Variants in UTP20 observed in about 807,000 individuals in gnomAD.
The protein encoded by UTP20 is UTP20 small subunit processome component.
UTP20 carries 164 observed loss-of-function variants against 329.5 expected under a neutral mutation model. That is an observed-to-expected ratio of 0.50 (90% confidence interval 0.44 to 0.57). The LOEUF (loss-of-function observed/expected upper bound fraction) is 0.57. UTP20 is among the 20% of genes least tolerant of loss of function. UTP20 has a pLI of 0.00. For synonymous variants in UTP20, 1,151 were observed against 1,159.3 expected, an observed-to-expected ratio of 0.99 and a Z score of 0.14; for missense variants, 3,055 against 3,284.2, an observed-to-expected ratio of 0.93 and a Z score of 1.71.
chr12:101,342,076 G>T (rs1337415449), intron 32 of UTP20, among the ~76,000 whole-genome samples: 1 of 152,086 alleles, frequency 6.6e-6, no homozygotes, highest in Non-Finnish European at 1.5e-5. Flanking sequence ...TTATATAAGG[G>T]ACTTAAACAT....
intron 5 of UTP20, among the ~76,000 whole-genome samples, chr12:101,288,252 A>G (rs1003773287): frequency 6.6e-6 from 1 of 152,242 alleles, no homozygotes; most frequent in Non-Finnish European, 1.5e-5. Context: ...GCAAGGAACT[A>G]TTAGGTACTG....
chr12:101,360,356 A>G (rs763380269), intron 43 of UTP20, among the ~76,000 whole-genome samples: 30 of 152,214 alleles, frequency 2.0e-4, no homozygotes, highest in Non-Finnish European at 4.0e-4. Flanking sequence ...GCATGATAAC[A>G]TAGCAAGACC....
chr12:101,342,875 TATC>T, intron 34 of UTP20, 38 bp downstream of exon 34: 1 of 1,610,470 alleles, frequency 6.2e-7, no homozygotes, highest in Admixed American at 1.7e-5. Context: ...TCAAAAGTAT[TATC>T]ATTTTTGTTT....
intron 29 of UTP20, among the ~76,000 whole-genome samples, chr12:101,336,582 G>C (rs920941460): frequency 6.6e-6 from 1 of 152,160 alleles, no homozygotes; most frequent in Non-Finnish European, 1.5e-5. Context: ...AGCTGCTCTG[G>C]TTCTAGTCAC....
At position 101,377,531 on chromosome 12, in the gene UTP20, C is replaced by T. The variant is rs974898686; in HGVS notation, c.7396+1775C>T. ...TTTTTTAGTAGAGACAGGTTTTCAC[C>T]GTGTTGGCCAGGATGGTCTCCATCT... is the stretch of plus-strand genomic sequence containing the variant. On this transcript the variant is annotated intron_variant, in intron 56 of 61. Coordinates refer to ENST00000261637, the MANE Select transcript of UTP20 (RefSeq NM_014503.3). 9.2e-5 allele frequency among the ~76,000 whole-genome samples: 14 copies of T among 152,192 alleles called. No individual in the cohort carries two copies. The East Asian group carries it at 9.7e-4, about 11-fold the overall frequency.
chr12:101,336,911 T>C lies in UTP20; in HGVS notation c.3642-1140T>C, dbSNP rs549743181. ...GGAAAACGGTTTGGTCACTGGGAAG[T>C]TGCATTGTATCTGAATGGGCTCTTG... On this transcript the variant is annotated intron_variant, in intron 29 of 61. Transcript: ENST00000261637. Among the ~76,000 whole-genome samples the C allele has an allele frequency of 2.6e-5, 4 of 152,358 alleles. No homozygotes were observed. In the South Asian group the frequency reaches 6.2e-4, roughly 24 times the overall value.
chr12:101,281,106 T>A lies in UTP20; in HGVS notation c.46-10T>A, dbSNP rs780481179. Reference sequence around the variant, plus strand: ...TTAATTATGTATCTTAAATATACTTTCCCTTCCAGTTTCTTACATTTGCTG... The same window carrying A: ...TTAATTATGTATCTTAAATATACTTACCCTTCCAGTTTCTTACATTTGCTG... On this transcript the variant is annotated splice_polypyrimidine_tract_variant and intron_variant, in intron 1 of 61. Transcript: ENST00000261637. The A allele has an allele frequency of 6.2e-7, 1 of 1,605,588 alleles. No individual in the cohort carries two copies. The highest frequency in any genetic ancestry group is 8.5e-7 in the Non-Finnish European group (1 of 1,173,778).
At chr12:101,288,837 G>A (rs1252812782) in intron 5 of UTP20, 123 bp from the exon 6 acceptor site, 1 of 820,844 alleles carries the variant, frequency 1.2e-6, no homozygotes, top group Non-Finnish European at 1.9e-6. Flanking sequence ...TTTTAAATTT[G>A]TTTGATACCT....
In UTP20 at chr12:101,285,770, T is replaced by C. The variant is rs772232391; in HGVS notation, c.215T>C (p.Ile72Thr). The part of the protein sequence containing the change: ...EHFGKFYKEV[I>T]DKCQSFNQLV... ...TCAGGAAAATTTTACAAAGAAGTTA[T>C]TGACAAATGCCAATCATTCAATCAG... Residue 72 changes from isoleucine to threonine, a missense_variant, in exon 4 of 62, where the codon ATT becomes ACT. By Grantham distance (89) the Ile-to-Thr change is moderately conservative. Transcript: ENST00000261637. 1 of 1,613,666 alleles carries C rather than the reference T, an allele frequency of 6.2e-7. No individual in the cohort carries two copies. Among genetic ancestry groups the C allele is most frequent in the East Asian group, 2.2e-5 (1 of 44,826 alleles).
chr12:101,383,161 G>T lies in UTP20; in HGVS notation c.7777G>T (p.Ala2593Ser), dbSNP rs1870706142. ...EEQEALEDGV[A>S]CADEKAESDG... The stretch of plus-strand genomic sequence containing the variant: ...ACAAGAAGCTTTAGAAGATGGTGTG[G>T]CCTGTGCAGATGAGAAGGCGGAGTC... Residue 2593 changes from alanine (A) to serine (S), a missense_variant, in exon 59 of 62, where the codon GCC becomes TCC. Physicochemically the swap from Ala to Ser is moderately conservative, Grantham distance 99 (BLOSUM62 1). Transcript: ENST00000261637. 1.2e-6 allele frequency: 2 copies of T among 1,614,010 alleles called. No individual in the cohort carries two copies. Among genetic ancestry groups the T allele is most frequent in the Non-Finnish European group, 8.5e-7 (1 of 1,179,918 alleles).
rs768010423 is a variant in UTP20 at position 101,342,456 on chromosome 12, T to G, written c.4112T>G (p.Val1371Gly). 6.2e-7 allele frequency: 1 copy of G among 1,607,044 alleles called. No individual in the cohort carries two copies. Among genetic ancestry groups the G allele is most frequent in the South Asian group, 1.1e-5 (1 of 89,072 alleles). ...HRGNIAEDTE[V>G]DILVTVQNLL... ...TTATTTCTTCTCAAGGATACAGAGGTTGATATTCTGGTGACAGTACAAAAC... is the reference window on the plus strand; with the variant it reads ...TTATTTCTTCTCAAGGATACAGAGGGTGATATTCTGGTGACAGTACAAAAC... The change falls in exon 33 of 62, where the codon GTT (valine) becomes GGT (glycine). Residue 1371 changes from valine to glycine, a missense_variant. By Grantham distance (109) the Val-to-Gly change is moderately radical. This residue lies in a region of UTP20 where 2,445 missense variants were observed against 2,575.5 expected (regional missense o/e 0.95). Coordinates refer to ENST00000261637, the MANE Select transcript of UTP20 (RefSeq NM_014503.3).
chr12:101,295,505 A>G lies in UTP20; in HGVS notation c.1277A>G (p.Tyr426Cys), dbSNP rs994431858. Residue 426 changes from tyrosine (Y) to cysteine (C), a missense_variant, in exon 12 of 62, where the codon TAT (tyrosine) becomes TGT (cysteine). Tyr to Cys is a radical substitution (Grantham distance 194, BLOSUM62 -2). This residue lies in a region of UTP20 where 2,445 missense variants were observed against 2,575.5 expected (regional missense o/e 0.95). Coordinates refer to ENST00000261637, the MANE Select transcript of UTP20 (RefSeq NM_014503.3). ...EQLFLPSFLS[Y>C]IVNCFLIDDA... ...CTTTTTCTACCAAGCTTTCTGTCATATATTGTGAATTGCTTCTTAATTGAT... is the reference window on the plus strand; with the variant it reads ...CTTTTTCTACCAAGCTTTCTGTCATGTATTGTGAATTGCTTCTTAATTGAT... The G allele has an allele frequency of 2.5e-6, 4 of 1,606,426 alleles. No homozygotes were observed. The highest frequency in any genetic ancestry group is 3.4e-6 in the Non-Finnish European group (4 of 1,176,218).
At chr12:101,305,426 A>G (rs1290680976) in intron 15 of UTP20, among the ~76,000 whole-genome samples, 1 of 151,500 alleles carries the variant, frequency 6.6e-6, no homozygotes, top group East Asian at 1.9e-4. Flanking sequence ...TAATGGTGCC[A>G]GATTCAACCC....
chr12:101,343,192 G>A, intron 35 of UTP20, 99 bp downstream of exon 35: 2 of 749,332 alleles, frequency 2.7e-6, no homozygotes, highest in Non-Finnish European at 3.9e-6. Flanking sequence ...TTTTTGAGGG[G>A]GGACAAAGGT....
intron 2 of UTP20, among the ~76,000 whole-genome samples, chr12:101,283,675 C>T (rs1871868393): frequency 6.6e-6 from 1 of 151,986 alleles, no homozygotes; most frequent in Non-Finnish European, 1.5e-5. Flanking sequence ...CATGAAAATG[C>T]CTTAAAGGAC....
At chr12:101,342,375 ATATAT>A (rs2120935692) in intron 32 of UTP20, 66 bp from the exon 33 acceptor site, 10 of 1,242,626 alleles carry the variant, frequency 8.0e-6, no homozygotes, top group East Asian at 2.5e-5. Context: ...CTATGCTATA[ATATAT>A]TAAAGTATAA....
chr12:101,356,690 CAAGGTATGTTTTTT>C lies in UTP20; in HGVS notation c.5534_5534+13del. The stretch of plus-strand genomic sequence containing the variant: ...CAAGAAGTTATGGAAGCTAATCTGC[CAAGGTATGTTTTTT>C]AACAAATTAGAAGTTTAGTGAAACT... On this transcript the variant is annotated splice_donor_variant and splice_donor_5th_base_variant and coding_sequence_variant and intron_variant, in exon 42 of 62. Coordinates refer to ENST00000261637, the MANE Select transcript of UTP20 (RefSeq NM_014503.3). LOFTEE classifies it high-confidence loss of function. 1 of 1,604,898 alleles carries C rather than the reference CAAGGTATGTTTTTT, an allele frequency of 6.2e-7. No individual in the cohort carries two copies. The highest frequency in any genetic ancestry group is 8.5e-7 in the Non-Finnish European group (1 of 1,177,718).
intron 43 of UTP20, among the ~76,000 whole-genome samples, chr12:101,357,641 C>T (rs959840793): frequency 6.6e-6 from 1 of 152,154 alleles, no homozygotes; most frequent in Non-Finnish European, 1.5e-5. Context: ...GTGGTCCCAG[C>T]TACTCAGGAG....
chr12:101,302,790 G>A (rs367971181), intron 15 of UTP20, among the ~76,000 whole-genome samples: 4 of 152,152 alleles, frequency 2.6e-5, no homozygotes, highest in East Asian at 1.9e-4. Flanking sequence ...GATTAATGTC[G>A]TAAAGTTTGA....
Sources: allele counts gnomAD v4.1 joint callset (sites outside exome capture counted in the v4.1 genomes callset), GRCh38; gene constraint gnomAD v4.1.1; regional missense constraint gnomAD v4.1.1; transcripts MANE v1.5; gene names NCBI Gene and HGNC (gene_info 2026-07-23, HGNC 2026-07-21).